ARHGEF3: variants seen among roughly 807,000 people sequenced by gnomAD.
ARHGEF3 encodes 59.8 kDA protein.
ARHGEF3 carries 28 observed loss-of-function variants against 63.2 expected under a neutral mutation model. That is an observed-to-expected ratio of 0.44 (90% CI 0.33 to 0.61). ARHGEF3 has a LOEUF of 0.61. Ranked by LOEUF, ARHGEF3 falls within the 20% of genes least tolerant of loss-of-function variation. ARHGEF3 has a pLI of 0.03. For synonymous variants in ARHGEF3, 266 were observed against 254.2 expected, an observed-to-expected ratio of 1.05 and a Z score of -0.44; for missense variants, 533 against 659.3, an observed-to-expected ratio of 0.81 and a Z score of 2.10.
chr3:57,056,947 A>C (rs979650099), intron 1 of ARHGEF3, among the ~76,000 whole-genome samples: 4 of 151,082 alleles, frequency 2.6e-5, no homozygotes, highest in Admixed American at 6.6e-5. Context: ...ACACACACAC[A>C]CCCCACACAC....
At chr3:56,807,720 T>C (rs867570901) in intron 4 of ARHGEF3, among the ~76,000 whole-genome samples, 11 of 152,308 alleles carry the variant, frequency 7.2e-5, no homozygotes, top group Non-Finnish European at 1.0e-4. Flanking sequence ...TACTGCTAGA[T>C]AGGTAAAAAT....
rs1242268523 is a variant in ARHGEF3 at position 56,773,813 on chromosome 3, G to A, written c.100C>T (p.Pro34Ser). The change falls in exon 2 of 10, where the codon CCT (proline) becomes TCT (serine). Residue 34 changes from proline to serine, a missense_variant. Pro to Ser is a moderately conservative substitution (Grantham distance 74). Coordinates refer to ENST00000296315, the MANE Select transcript of ARHGEF3 (RefSeq NM_019555.3). The part of the protein sequence containing the change: ...ASGPAKDAEE[P>S]SNKRVKPLSR... ...AGGGGTTTGACCCGTTTATTACTAG[G>A]CTCCTATAGAGTTAAAAAAAAAAAA... 1 of 1,587,352 alleles carries A rather than the reference G, an allele frequency of 6.3e-7. No individual in the cohort carries two copies. The highest frequency in any genetic ancestry group is 8.5e-7 in the Non-Finnish European group (1 of 1,171,990).
At chr3:56,907,553 A>C (rs935411178) in intron 3 of ARHGEF3, among the ~76,000 whole-genome samples, 6 of 152,198 alleles carry the variant, frequency 3.9e-5, no homozygotes, top group Non-Finnish European at 4.4e-5. Context: ...TTCTATCATA[A>C]TGACACATGC....
At chr3:56,967,157 C>T (rs1700535397) in intron 2 of ARHGEF3, among the ~76,000 whole-genome samples, 1 of 146,414 alleles carries the variant, frequency 6.8e-6, no homozygotes. Flanking sequence ...GCCACCGCGC[C>T]CAGCCTTTTT....
intron 2 of ARHGEF3, among the ~76,000 whole-genome samples, chr3:56,987,441 G>C (rs568325907): frequency 6.6e-6 from 1 of 152,188 alleles, no homozygotes; most frequent in Non-Finnish European, 1.5e-5. Flanking sequence ...GGCTGAGCAG[G>C]AGTAGGAGGG....
At chr3:56,981,797 G>A (rs116309770) in intron 2 of ARHGEF3, among the ~76,000 whole-genome samples, 62 of 152,198 alleles carry the variant, frequency 4.1e-4, no homozygotes, top group Non-Finnish European at 7.9e-4. Context: ...AGCCCTTCCT[G>A]CTTCCTTAAT....
chr3:56,729,648 CAA>C, intron 9 of ARHGEF3, 26 bp from the exon 10 acceptor site: 1 of 1,555,216 alleles, frequency 6.4e-7, no homozygotes, highest in Non-Finnish European at 8.8e-7. Flanking sequence ...ACATGAAAAA[CAA>C]AGTCAATGGA....
At chr3:56,974,376 AG>A (rs1238238003) in intron 2 of ARHGEF3, among the ~76,000 whole-genome samples, 1 of 152,174 alleles carries the variant, frequency 6.6e-6, no homozygotes, top group Non-Finnish European at 1.5e-5. Flanking sequence ...GTATTTCTTC[AG>A]CATACACACA....
chr3:56,993,661 C>T (rs935893062), intron 2 of ARHGEF3, among the ~76,000 whole-genome samples: 10 of 151,982 alleles, frequency 6.6e-5, no homozygotes, highest in African/African-American at 2.4e-4. Flanking sequence ...AGGCATGAGC[C>T]ACCGTGCCCA....
At chr3:56,935,372 G>A (rs2042533440) in intron 3 of ARHGEF3, among the ~76,000 whole-genome samples, 1 of 152,194 alleles carries the variant, frequency 6.6e-6, no homozygotes, top group Non-Finnish European at 1.5e-5. Flanking sequence ...GGATGTGGGT[G>A]GGGCCAGATA....
At chr3:56,893,870 T>C (rs563867424) in intron 3 of ARHGEF3, among the ~76,000 whole-genome samples, 88 of 141,032 alleles carry the variant, frequency 6.2e-4, no homozygotes, top group African/African-American at 2.3e-3. Flanking sequence ...CCTTGCTGGG[T>C]GCTTTACATG....
chr3:56,729,162 A>G lies in ARHGEF3; in HGVS notation c.*108T>C. ...TACGAGAGACTGGGCCAACATGTATACTTTCACAAAAGTATGAAAAAGTGC... is the reference window on the plus strand; with the variant it reads ...TACGAGAGACTGGGCCAACATGTATGCTTTCACAAAAGTATGAAAAAGTGC... On this transcript the variant is annotated 3_prime_UTR_variant, in exon 10 of 10. Transcript: ENST00000296315. The G allele has an allele frequency of 1.0e-6, 1 of 956,160 alleles. No homozygotes were observed. The highest frequency in any genetic ancestry group is 1.5e-6 in the Non-Finnish European group (1 of 652,994). The allele number at this position is 956,160 out of a possible 1,614,324, so 59.2% of individuals were successfully genotyped here.
intron 2 of ARHGEF3, among the ~76,000 whole-genome samples, chr3:56,771,987 T>C (rs895438178): frequency 6.6e-6 from 1 of 152,170 alleles, no homozygotes; most frequent in African/African-American, 2.4e-5. Flanking sequence ...GATGAACTTG[T>C]CGAGAGGGCT....
intron 4 of ARHGEF3, among the ~76,000 whole-genome samples, chr3:56,849,325 G>T (rs2039593387): frequency 6.6e-6 from 1 of 152,132 alleles, no homozygotes; most frequent in Admixed American, 6.5e-5. Flanking sequence ...TGTGTTTGAT[G>T]AGGTTTTTTC....
At chr3:57,022,294 G>T (rs993739310) in intron 2 of ARHGEF3, among the ~76,000 whole-genome samples, 10 of 151,894 alleles carry the variant, frequency 6.6e-5, no homozygotes, top group Non-Finnish European at 1.0e-4. Context: ...AAGCCCAGGA[G>T]GTCCCTGTCT....
intron 1 of ARHGEF3, among the ~76,000 whole-genome samples, chr3:57,055,057 T>C (rs1214449414): frequency 6.6e-6 from 1 of 152,206 alleles, no homozygotes; most frequent in Non-Finnish European, 1.5e-5. Context: ...GTATTTTAAA[T>C]ATCTTTTCCC....
intron 2 of ARHGEF3, among the ~76,000 whole-genome samples, chr3:57,004,320 T>C (rs1325557795): frequency 1.3e-5 from 2 of 152,248 alleles, no homozygotes; most frequent in African/African-American, 4.8e-5. Flanking sequence ...CCTGATAACG[T>C]GTCCACATTT....
chr3:56,963,971 ATG>A (rs1321789227), intron 2 of ARHGEF3, among the ~76,000 whole-genome samples: 1 of 152,146 alleles, frequency 6.6e-6, no homozygotes, highest in Non-Finnish European at 1.5e-5. Context: ...TAACATTTCT[ATG>A]GCTCAATGAG....
chr3:56,803,516 A>C (rs1304298048), upstream of ARHGEF3, among the ~76,000 whole-genome samples: 1 of 152,138 alleles, frequency 6.6e-6, no homozygotes, highest in African/African-American at 2.4e-5. Flanking sequence ...AAAAAAGAAA[A>C]GATGGCTAGG....
Sources: allele counts gnomAD v4.1 joint callset (sites outside exome capture counted in the v4.1 genomes callset), GRCh38; gene constraint gnomAD v4.1.1; transcripts MANE v1.5; gene names NCBI Gene and HGNC (gene_info 2026-07-23, HGNC 2026-07-21).